WDR7: variants seen among roughly 807,000 people sequenced by gnomAD.
WDR7 encodes WD repeat-containing protein 7.
In WDR7, 46 loss-of-function variants were observed where a neutral mutation model predicts 169.4. That is an observed-to-expected ratio of 0.27 (90% CI 0.21 to 0.35). WDR7 has a LOEUF of 0.35. Among genes scored for constraint, WDR7 ranks in the 10% least tolerant of loss-of-function variants. WDR7 has a pLI of 1.00. For missense variants in WDR7, 1,534 were observed against 1,859.3 expected (o/e 0.83, Z 3.22); for synonymous variants, 612 against 666.8 (o/e 0.92, Z 1.27).
intron 26 of WDR7, among the ~76,000 whole-genome samples, chr18:56,970,157 G>C (rs1285051219): frequency 2.6e-5 from 4 of 151,428 alleles, no homozygotes; most frequent in African/African-American, 7.3e-5. Context: ...ACCCTATTCT[G>C]TTCCCTCCTG....
At chr18:56,901,277 G>C (rs1014763031) in intron 21 of WDR7, among the ~76,000 whole-genome samples, 9 of 152,128 alleles carry the variant, frequency 5.9e-5, no homozygotes, top group African/African-American at 2.2e-4. Flanking sequence ...TCTATAAATA[G>C]TTATTATAAT....
chr18:56,906,429 C>A (rs2046477180), intron 21 of WDR7, among the ~76,000 whole-genome samples: 1 of 151,940 alleles, frequency 6.6e-6, no homozygotes, highest in African/African-American at 2.4e-5. Context: ...GAGGGGGAAG[C>A]AAATGAGAGT....
intron 22 of WDR7, among the ~76,000 whole-genome samples, chr18:56,929,793 A>G (rs1208916071): frequency 6.6e-6 from 1 of 152,252 alleles, no homozygotes; most frequent in Non-Finnish European, 1.5e-5. Context: ...ATCCCCAGCT[A>G]ATTGTGAGAA....
chr18:56,810,474 T>C (rs1044199188), intron 19 of WDR7, among the ~76,000 whole-genome samples: 1 of 152,290 alleles, frequency 6.6e-6, no homozygotes, highest in Admixed American at 6.5e-5. Context: ...CAATCACTTC[T>C]TATTGATTGG....
At chr18:56,682,953 ATTC>A (rs2025378464) in intron 5 of WDR7, 100 bp downstream of exon 5, 2 of 1,273,436 alleles carry the variant, frequency 1.6e-6, no homozygotes, top group Non-Finnish European at 2.2e-6. Flanking sequence ...TTTGGGATAT[ATTC>A]TTCTATGTAA....
chr18:56,651,602 T>C (rs1019307355), intron 1 of WDR7, 26 bp downstream of exon 1: 1 of 152,310 alleles, frequency 6.6e-6, no homozygotes, highest in African/African-American at 2.4e-5. Context: ...AGCTTCTCCA[T>C]GGGAAACCAC....
At chr18:56,945,608 T>C (rs1044724762) in intron 25 of WDR7, among the ~76,000 whole-genome samples, 2 of 152,158 alleles carry the variant, frequency 1.3e-5, no homozygotes, top group African/African-American at 4.8e-5. Flanking sequence ...AGGTGAAATT[T>C]AGAAACATGC....
chr18:56,722,937 TA>T (rs1317793022), intron 13 of WDR7, among the ~76,000 whole-genome samples: 1 of 152,162 alleles, frequency 6.6e-6, no homozygotes, highest in African/African-American at 2.4e-5. Context: ...GCCGGGAAAT[TA>T]ATCTTAGGAA....
At chr18:56,710,268 G>T (rs551362243) in intron 12 of WDR7, among the ~76,000 whole-genome samples, 22 of 152,094 alleles carry the variant, frequency 1.4e-4, no homozygotes, top group Non-Finnish European at 1.5e-4. Context: ...CTCCCAAAGT[G>T]CTGGGATTAC....
At chr18:56,865,988 T>G (rs1440078712) in intron 20 of WDR7, among the ~76,000 whole-genome samples, 1 of 152,162 alleles carries the variant, frequency 6.6e-6, no homozygotes, top group Non-Finnish European at 1.5e-5. Flanking sequence ...TATACAAGAT[T>G]TGAAGATACA....
intron 16 of WDR7, among the ~76,000 whole-genome samples, chr18:56,769,534 C>A (rs1174589144): frequency 6.6e-6 from 1 of 152,122 alleles, no homozygotes; most frequent in Admixed American, 6.5e-5. Flanking sequence ...TCTCTCTATT[C>A]ATTAATCTCA....
rs138786976 is a variant in WDR7 at position 56,873,356 on chromosome 18, A to G, written c.3305-6588A>G. 1.4e-3 allele frequency among the ~76,000 whole-genome samples: 212 copies of G among 152,314 alleles called. 1 individual carries two copies. The highest frequency in any genetic ancestry group is 4.9e-3 in the African/African-American group (205 of 41,570). ...GAGGGTACCTGTTACAATTCTTTCC[A>G]TTAGCTTAGGGATAAAATTTACAAA... On this transcript the variant is annotated intron_variant, in intron 20 of 27. Coordinates refer to ENST00000254442, the MANE Select transcript of WDR7 (RefSeq NM_015285.3).
chr18:56,745,500 C>G (rs980379917), intron 14 of WDR7, among the ~76,000 whole-genome samples: 1 of 152,116 alleles, frequency 6.6e-6, no homozygotes. Flanking sequence ...TCATAAGGAA[C>G]GCACACTGTA....
chr18:57,008,835 A>G (rs1051189414), intron 26 of WDR7, among the ~76,000 whole-genome samples: 5 of 152,122 alleles, frequency 3.3e-5, no homozygotes, highest in South Asian at 2.1e-4. Flanking sequence ...TCATCTTTAT[A>G]CTCTGATATC....
chr18:56,955,455 A>G (rs2047237836), intron 25 of WDR7, among the ~76,000 whole-genome samples: 1 of 152,200 alleles, frequency 6.6e-6, no homozygotes, highest in Non-Finnish European at 1.5e-5. Context: ...GATGGAAGCT[A>G]TAAAATAATT....
chr18:56,745,819 G>T (rs2043693948), intron 14 of WDR7, among the ~76,000 whole-genome samples: 1 of 152,166 alleles, frequency 6.6e-6, no homozygotes, highest in Non-Finnish European at 1.5e-5. Context: ...TTTACTAAAT[G>T]ACCCTATGCT....
chr18:56,791,165 A>G (rs2044479617), intron 19 of WDR7, among the ~76,000 whole-genome samples: 1 of 152,184 alleles, frequency 6.6e-6, no homozygotes, highest in African/African-American at 2.4e-5. Flanking sequence ...GTATAATCTT[A>G]ATGAAAAGAG....
intron 21 of WDR7, among the ~76,000 whole-genome samples, chr18:56,918,666 C>A (rs1197606826): frequency 6.6e-6 from 1 of 152,118 alleles, no homozygotes; most frequent in Admixed American, 6.5e-5. Context: ...TATGAAAAAA[C>A]TTAGTACATT....
At chr18:57,026,860 C>A in intron 27 of WDR7, 144 bp from the exon 28 acceptor site, 2 of 842,990 alleles carry the variant, frequency 2.4e-6, no homozygotes, top group South Asian at 1.7e-5. Flanking sequence ...CTGAAAGGAA[C>A]TTTTGAGAGG....
Sources: gnomAD v4.1 joint callset for allele counts (sites outside exome capture counted in the v4.1 genomes callset) on GRCh38, gnomAD v4.1.1 for gene constraint, MANE v1.5 for transcripts, NCBI Gene and HGNC (gene_info 2026-07-23, HGNC 2026-07-21) for gene names.